The following BICC1 variants were observed in gnomAD, a reference collection of about 807,000 sequenced individuals.
The protein encoded by BICC1 is BicC family RNA binding protein 1.
Under a neutral mutation model 111.0 loss-of-function variants are expected in BICC1, and 43 were observed. The ratio of observed to expected loss-of-function variants is 0.39; its 90% CI spans 0.30 to 0.50. The LOEUF (loss-of-function observed/expected upper bound fraction) is 0.50. BICC1 is among the 20% of genes least tolerant of loss of function. The pLI, the probability that BICC1 is intolerant of heterozygous loss-of-function variation, is 0.88. For synonymous variants in BICC1, 467 were observed against 434.4 expected (o/e 1.07, Z -0.93); for missense variants, 1,091 against 1,203.2 (o/e 0.91, Z 1.38).
intron 3 of BICC1, among the ~76,000 whole-genome samples, chr10:58,730,263 T>A (rs1841246003): frequency 6.6e-6 from 1 of 152,098 alleles, no homozygotes; most frequent in Non-Finnish European, 1.5e-5. Flanking sequence ...ATCTTAAAGC[T>A]CCAAACAAAA....
At chr10:58,621,570 T>C (rs1407258405) in intron 2 of BICC1, among the ~76,000 whole-genome samples, 2 of 152,066 alleles carry the variant, frequency 1.3e-5, no homozygotes, top group East Asian at 1.9e-4. Context: ...CCCACCACTT[T>C]GAGAGGCCGA....
At chr10:58,742,431 ATT>A (rs554670544) in intron 3 of BICC1, among the ~76,000 whole-genome samples, 14,045 of 93,420 alleles carry the variant, frequency 0.15, 320 homozygotes, top group Non-Finnish European at 0.17. Flanking sequence ...GTATGCTTTA[ATT>A]TTTTTTTTTT....
At chr10:58,815,355 T>G (rs2132947411) in intron 18 of BICC1, among the ~76,000 whole-genome samples, 1 of 152,300 alleles carries the variant, frequency 6.6e-6, no homozygotes, top group South Asian at 2.1e-4. Context: ...GCCTGGAGAC[T>G]TCCCATTAGT....
At position 58,525,717 on chromosome 10, in the gene BICC1, A is replaced by AAG. The variant is rs200422633; in HGVS notation, c.190+12384_190+12385insAG. ...CCCTAAAACTTTAATAATAAAAAAA[A>AAG]TTTTTTAAAGCAATACAAGGAAGCT... On this transcript the variant is annotated intron_variant, in intron 1 of 20. Transcript: ENST00000373886. 6.5e-3 allele frequency among the ~76,000 whole-genome samples: 835 copies of AAG among 128,900 alleles called. 4 individuals are homozygous for AAG. Among genetic ancestry groups the AAG allele is most frequent in the African/African-American group, 0.021 (798 of 37,738 alleles). The allele number at this position is 128,900 out of a possible 152,430, so 84.6% of individuals were successfully genotyped here. A position where few individuals can be genotyped will look rare whatever the true frequency, so the allele number is the denominator to read the frequency against.
At chr10:58,770,696 G>A (rs1158483236) in intron 3 of BICC1, among the ~76,000 whole-genome samples, 2 of 152,114 alleles carry the variant, frequency 1.3e-5, no homozygotes, top group Non-Finnish European at 2.9e-5. Flanking sequence ...GACAATCCAG[G>A]GAGGGGAGGA....
intron 2 of BICC1, among the ~76,000 whole-genome samples, chr10:58,701,191 T>C (rs1401557925): frequency 6.6e-6 from 1 of 152,214 alleles, no homozygotes; most frequent in East Asian, 1.9e-4. Flanking sequence ...ATTATCCCAG[T>C]CTAATTCAAG....
chr10:58,817,620 C>G lies in BICC1; in HGVS notation c.2592C>G (p.Ser864Arg). The change falls in exon 19 of 21, where the codon AGC becomes AGG. Residue 864 changes from serine (S) to arginine (R), a missense_variant. Around this residue, in one of 3 missense-constraint regions of BICC1, gnomAD observed 231 missense variants for 256.2 expected, o/e 0.90. Transcript: ENST00000373886. Reference protein sequence around the residue: ...YMDCISSLTGSNGCNLNSSFK... With the variant: ...YMDCISSLTGRNGCNLNSSFK... ...ACTGCATTTCCTCGCTGACAGGAAG[C>G]AATGGCTGTAACTTAAATAGCTCTT... The G allele has an allele frequency of 2.5e-6, 4 of 1,613,606 alleles. No individual in the cohort carries two copies. Among genetic ancestry groups the G allele is most frequent in the Non-Finnish European group, 3.4e-6 (4 of 1,179,654 alleles).
chr10:58,583,727 CAT>C (rs1042371170), intron 1 of BICC1, among the ~76,000 whole-genome samples: 19 of 152,082 alleles, frequency 1.2e-4, no homozygotes, highest in Admixed American at 2.6e-4. Context: ...CTGTTATAAA[CAT>C]GTGTGTGAAA....
rs573116230 is a variant in BICC1 at position 58,521,768 on chromosome 10, G to GT, written c.190+8473dup. 5.2e-4 allele frequency among the ~76,000 whole-genome samples: 59 copies of GT among 112,786 alleles called. 9 individuals are homozygous for GT. The highest frequency in any genetic ancestry group is 8.3e-4 in the Non-Finnish European group (44 of 52,738). 74.0% of individuals were successfully genotyped at this position (112,786 alleles called of 152,430 possible). ...ATGAAAATCAGCCAGGGAATGTGGT[G>GT]TTTTTTTTTTTTTTTTTTTTTTTTT... On this transcript the variant is annotated intron_variant, in intron 1 of 20. Transcript: ENST00000373886.
At chr10:58,629,272 T>C (rs757476364) in intron 2 of BICC1, among the ~76,000 whole-genome samples, 3 of 152,008 alleles carry the variant, frequency 2.0e-5, no homozygotes, top group Non-Finnish European at 4.4e-5. Context: ...TGGTATTGTC[T>C]TTTTCTTCTA....
rs188648522 is a variant in BICC1 at position 58,669,204 on chromosome 10, A to G, written c.238-32870A>G. Among the ~76,000 whole-genome samples the G allele has an allele frequency of 1.8e-3, 268 of 152,082 alleles. 2 individuals carry two copies. The highest frequency in any genetic ancestry group is 6.8e-3 in the Middle Eastern group (2 of 294). ...ACCCAGTTGAGCATCTCAAACCTCA[A>G]TCCAAAATGCTCCAATGAGCATTTC... On this transcript the variant is annotated intron_variant, in intron 2 of 20. Coordinates refer to ENST00000373886, the MANE Select transcript of BICC1 (RefSeq NM_001080512.3).
At chr10:58,733,292 GAATA>G (rs529281253) in intron 3 of BICC1, among the ~76,000 whole-genome samples, 147 of 152,320 alleles carry the variant, frequency 9.7e-4, no homozygotes, top group Non-Finnish European at 1.6e-3. Context: ...GTGAGTGAAT[GAATA>G]ATGAATGGAA....
chr10:58,647,957 C>T (rs1196646408), intron 2 of BICC1, among the ~76,000 whole-genome samples: 1 of 152,204 alleles, frequency 6.6e-6, no homozygotes, highest in Non-Finnish European at 1.5e-5. Flanking sequence ...TTGGAGAATA[C>T]ACTGCATTAG....
intron 3 of BICC1, among the ~76,000 whole-genome samples, chr10:58,756,020 C>T (rs954665049): frequency 1.3e-5 from 2 of 152,092 alleles, no homozygotes; most frequent in African/African-American, 2.4e-5. Context: ...TTATTCTGTC[C>T]CTTACATTTC....
intron 2 of BICC1, among the ~76,000 whole-genome samples, chr10:58,695,210 A>G (rs2132425729): frequency 6.6e-6 from 1 of 152,302 alleles, no homozygotes; most frequent in South Asian, 2.1e-4. Flanking sequence ...TGTCTCAGCA[A>G]AATAAACATC....
At chr10:58,732,928 C>T (rs1378656655) in intron 3 of BICC1, among the ~76,000 whole-genome samples, 1 of 151,864 alleles carries the variant, frequency 6.6e-6, no homozygotes, top group Non-Finnish European at 1.5e-5. Context: ...ATTACCAAAA[C>T]ATGACACAGA....
intron 3 of BICC1, among the ~76,000 whole-genome samples, chr10:58,745,608 C>CCA (rs1554827845): frequency 7.8e-6 from 1 of 128,748 alleles, no homozygotes; most frequent in Non-Finnish European, 1.7e-5. Flanking sequence ...CACCGCCCCC[C>CCA]CCCCACATTT....
intron 1 of BICC1, among the ~76,000 whole-genome samples, chr10:58,589,328 A>G (rs1405468851): frequency 1.3e-5 from 2 of 152,176 alleles, no homozygotes; most frequent in Non-Finnish European, 2.9e-5. Context: ...TCTAAAACAC[A>G]TGGGTAGAAC....
chr10:58,619,792 C>T (rs909058360), intron 1 of BICC1, among the ~76,000 whole-genome samples: 2 of 152,192 alleles, frequency 1.3e-5, no homozygotes, highest in African/African-American at 4.8e-5. Flanking sequence ...TCAAAACTTG[C>T]TAAGTGACAA....
Sources: gnomAD v4.1 joint callset for allele counts (sites outside exome capture counted in the v4.1 genomes callset) on GRCh38, gnomAD v4.1.1 for gene constraint, gnomAD v4.1.1 regional missense constraint, MANE v1.5 for transcripts, NCBI Gene and HGNC (gene_info 2026-07-23, HGNC 2026-07-21) for gene names.